The following RNF123 variants were observed in gnomAD, a reference collection of about 807,000 sequenced individuals.
The protein encoded by RNF123 is ring finger protein 123, also known as E3 ubiquitin-protein ligase RNF123.
RNF123 carries 86 observed loss-of-function variants against 168.5 expected under a neutral mutation model. That is an observed-to-expected ratio of 0.51 (90% CI 0.43 to 0.61). The LOEUF (loss-of-function observed/expected upper bound fraction) is 0.61, where lower values mean the gene tolerates loss of function less well. Ranked by LOEUF, RNF123 falls within the 20% of genes least tolerant of loss-of-function variation. The pLI is 0.00. For missense variants in RNF123, 1,419 were observed against 1,729.7 expected (o/e 0.82, Z 3.19); for synonymous variants, 666 against 689.1 (o/e 0.97, Z 0.52).
chr3:49,698,864 C>G, intron 9 of RNF123, 42 bp downstream of exon 9: 1 of 1,606,588 alleles, frequency 6.2e-7, no homozygotes, highest in Non-Finnish European at 8.5e-7. Context: ...CCCCTGGGGC[C>G]TCCCCAGACT....
At chr3:49,707,885 T>C (rs1470954567) in intron 26 of RNF123, among the ~76,000 whole-genome samples, 1 of 152,184 alleles carries the variant, frequency 6.6e-6, no homozygotes, top group Non-Finnish European at 1.5e-5. Context: ...CACACTGTCT[T>C]CTCAAGACCC....
rs1205623979 is a variant in RNF123, at chr3:49,715,853, A to C, written c.3182A>C (p.Asn1061Thr). Residue 1061 changes from asparagine to threonine, a missense_variant, in exon 33 of 39, where the codon AAC becomes ACC. Coordinates refer to ENST00000327697, the MANE Select transcript of RNF123 (RefSeq NM_022064.5). ...CAGGCTGCTGAGCGCCTGGAGCGGAACTTTGTGGACAGCCGGCAGCTCAAG... is the reference window on the plus strand; with the variant it reads ...CAGGCTGCTGAGCGCCTGGAGCGGACCTTTGTGGACAGCCGGCAGCTCAAG... ...IQQAAERLER[N>T]FVDSRQLKVC... The C allele has an allele frequency of 2.5e-6, 4 of 1,613,986 alleles. No individual in the cohort carries two copies. The highest frequency in any genetic ancestry group is 3.4e-6 in the Non-Finnish European group (4 of 1,180,020).
intron 6 of RNF123, 25 bp from the exon 7 acceptor site, chr3:49,698,027 G>A (rs746598622): frequency 8.0e-5 from 129 of 1,613,194 alleles, no homozygotes; most frequent in East Asian, 4.5e-4. Flanking sequence ...TGTCCACCTC[G>A]TGGCCCTAAC....
At position 49,715,953 on chromosome 3, in the gene RNF123, G is replaced by A. The variant is rs184946730; in HGVS notation, c.3282G>A (p.Glu1094=). 4.5e-5 allele frequency: 73 copies of A among 1,614,062 alleles called. No homozygotes were observed. Among genetic ancestry groups the A allele is most frequent in the Admixed American group, 1.0e-4 (6 of 60,034 alleles). The change falls in exon 33 of 39, where the codon GAG becomes GAA. Residue 1094 remains glutamate (E), a synonymous_variant. Coordinates refer to ENST00000327697, the MANE Select transcript of RNF123 (RefSeq NM_022064.5). ...VLEMTITLVP[E]IFLDWTRPTS... is the part of the protein sequence containing the mutation. The stretch of plus-strand genomic sequence containing the variant: ...AGATGACTATCACACTGGTGCCTGA[G>A]ATATTCCTTGACTGGACCCGGCCTA...
chr3:49,719,143 G>A, intron 35 of RNF123: 2 of 1,613,632 alleles, frequency 1.2e-6, no homozygotes, highest in Non-Finnish European at 1.7e-6. Flanking sequence ...CAGGCCGCTG[G>A]CGTTGACGAA....
chr3:49,715,471 C>A, intron 31 of RNF123, 104 bp from the exon 32 acceptor site: 1 of 1,408,228 alleles, frequency 7.1e-7, no homozygotes, highest in Non-Finnish European at 9.8e-7. Context: ...AGGGAGCCAT[C>A]TTTCTGTCCT....
At position 49,699,271 on chromosome 3, in the gene RNF123, C is replaced by T. The variant is rs571375310; in HGVS notation, c.764+166C>T. The stretch of plus-strand genomic sequence containing the variant: ...CGAAGAAAACTTTCCTCGCAGCAGC[C>T]TGGTTGGTTGGGTGCCCTTGTCTCC... On this transcript the variant is annotated intron_variant, in intron 10 of 38. Transcript: ENST00000327697. This position sits in a 1 kb window ranked among gnomAD's most constrained non-coding sequence, Gnocchi z 4.8. Among the ~76,000 whole-genome samples the T allele has an allele frequency of 2.0e-5, 3 of 152,194 alleles. No individual in the cohort carries two copies. In the East Asian group the frequency reaches 5.8e-4, roughly 29 times the overall value.
chr3:49,716,162 AC>A lies in RNF123; in HGVS notation c.3403del (p.Leu1135TyrfsTer6). 6.2e-7 allele frequency: 1 copy of A among 1,613,512 alleles called. No individual in the cohort carries two copies. Among genetic ancestry groups the A allele is most frequent in the Non-Finnish European group, 8.5e-7 (1 of 1,179,844 alleles). On this transcript the variant is annotated frameshift_variant, in exon 34 of 39. Coordinates refer to ENST00000327697, the MANE Select transcript of RNF123 (RefSeq NM_022064.5). LOFTEE classifies it high-confidence loss of function. ...GAGGAACCTGTTTGATCGTGTGGTCACCCTACGGCTGCCTGGTGAGGACCTA... is the reference window on the plus strand; with the variant it reads ...GAGGAACCTGTTTGATCGTGTGGTCACCTACGGCTGCCTGGTGAGGACCTA... ...AERNLFDRVVTLRLPGLESVD... is the reference protein window; with the variant it reads ...AERNLFDRVVXLRLPGLESVD...
rs954451574 is a variant in RNF123 at position 49,705,113 on chromosome 3, CG to C, written c.2091del (p.Pro698LeufsTer2). On this transcript the variant is annotated frameshift_variant, in exon 23 of 39. Transcript: ENST00000327697. LOFTEE classifies it high-confidence loss of function. ...TAAVSLMTPR[R>X]PLSTSEKVKV... is the part of the protein sequence containing the mutation. ...GGCTGTGAGCCTCATGACCCCACGGCGGCCTCTGAGCACCTCGGAGAAAGTG... is the reference window on the plus strand; with the variant it reads ...GGCTGTGAGCCTCATGACCCCACGGCGCCTCTGAGCACCTCGGAGAAAGTG... The C allele has an allele frequency of 1.9e-6, 3 of 1,610,164 alleles. No individual in the cohort carries two copies. In the African/African-American group the frequency reaches 4.0e-5, roughly 22 times the overall value.
chr3:49,704,917 T>C, intron 22 of RNF123, 67 bp from the exon 23 acceptor site: 2 of 1,486,016 alleles, frequency 1.3e-6, no homozygotes, highest in South Asian at 2.5e-5. Flanking sequence ...CCCTCACAAT[T>C]CTGCAGCCCC....
intron 35 of RNF123, chr3:49,717,593 TAGA>T: frequency 3.0e-6 from 1 of 333,096 alleles, no homozygotes; most frequent in South Asian, 3.2e-5. Flanking sequence ...CCACAGGCTG[TAGA>T]AGAACACAGC....
rs909373909 is a variant in RNF123, at chr3:49,699,932, C to G, written c.984+160C>G. 1.3e-6 allele frequency: 1 copy of G among 746,046 alleles called. No individual in the cohort carries two copies. The highest frequency in any genetic ancestry group is 1.7e-5 in the African/African-American group (1 of 57,218). The allele number at this position is 746,046 out of a possible 1,614,324, so 46.2% of individuals were successfully genotyped here. On this transcript the variant is annotated intron_variant, in intron 12 of 38. Transcript: ENST00000327697. This position sits in a 1 kb window ranked among gnomAD's most constrained non-coding sequence, Gnocchi z 4.8. Reference sequence around the variant, plus strand: ...GGGCCCTCAGACCTCAGTCAGTCCCCTAGGGAAACAGGGACATTGCCAACC... The same window carrying G: ...GGGCCCTCAGACCTCAGTCAGTCCCGTAGGGAAACAGGGACATTGCCAACC...
chr3:49,718,987 C>G (rs200902567), intron 35 of RNF123: 1 of 1,613,822 alleles, frequency 6.2e-7, no homozygotes, highest in East Asian at 2.2e-5. Context: ...GTAGAGATGG[C>G]TGAGCGCGCG....
chr3:49,721,492 T>C lies in RNF123; in HGVS notation c.*187T>C, dbSNP rs2080406871. On this transcript the variant is annotated 3_prime_UTR_variant, in exon 39 of 39. Transcript: ENST00000327697. ...AATTGTGCCTGAGCTTGACTTTCAGTCAGGGCCACAGTGAGCATTAAATTA... is the reference window on the plus strand; with the variant it reads ...AATTGTGCCTGAGCTTGACTTTCAGCCAGGGCCACAGTGAGCATTAAATTA... The C allele has an allele frequency of 3.4e-6, 3 of 889,752 alleles. No homozygotes were observed. In the East Asian group the frequency reaches 7.3e-5, roughly 22 times the overall value. 55.1% of individuals were successfully genotyped at this position (889,752 alleles called of 1,614,324 possible).
At chr3:49,704,524 C>G in intron 21 of RNF123, 126 bp from the exon 22 acceptor site, 1 of 716,142 alleles carries the variant, frequency 1.4e-6, no homozygotes, top group Non-Finnish European at 2.3e-6. Flanking sequence ...GGGGCAGATA[C>G]GGTGCTAAAC....
intron 31 of RNF123, among the ~76,000 whole-genome samples, chr3:49,714,825 T>C (rs762742316): frequency 6.6e-6 from 1 of 152,182 alleles, no homozygotes; most frequent in Non-Finnish European, 1.5e-5. Flanking sequence ...TCTTGGCTCA[T>C]GTAGTCTGTT....
intron 21 of RNF123, 30 bp from the exon 22 acceptor site, chr3:49,704,620 G>T: frequency 6.3e-7 from 1 of 1,582,020 alleles, no homozygotes; most frequent in Non-Finnish European, 8.6e-7. Flanking sequence ...GCCACCACTG[G>T]CCTGAGAACC....
rs2329014 is a variant in RNF123, at chr3:49,689,580, G to A, written c.-63G>A. ...CCAAGAGGTTGGGCGGATGTTGTGA[G>A]CCGGGTCGCTGCGGCCGAGGCTCCG... On this transcript the variant is annotated 5_prime_UTR_variant, in exon 1 of 39. Coordinates refer to ENST00000327697, the MANE Select transcript of RNF123 (RefSeq NM_022064.5). 1 of 152,506 alleles carries A rather than the reference G, an allele frequency of 6.6e-6. No homozygotes were observed. The highest frequency in any genetic ancestry group is 2.4e-5 in the African/African-American group (1 of 41,478). The allele number at this position is 152,506 out of a possible 1,614,324, so 9.4% of individuals were successfully genotyped here.
chr3:49,704,544 C>T lies in RNF123; in HGVS notation c.1853-106C>T, dbSNP rs1055156884. On this transcript the variant is annotated intron_variant, in intron 21 of 38. Transcript: ENST00000327697. ...AGATACGGTGCTAAACCGGGCTCTG[C>T]AAGGCCTCCTGCCCAGTGTGCTGGG... is the stretch of plus-strand genomic sequence containing the variant. 12 of 933,790 alleles carry T rather than the reference C, an allele frequency of 1.3e-5. No individual in the cohort carries two copies. The Admixed American group carries it at 1.6e-4, about 13-fold the overall frequency. The allele number at this position is 933,790 out of a possible 1,614,324, so 57.8% of individuals were successfully genotyped here. A position where few individuals can be genotyped will look rare whatever the true frequency, so the allele number is the denominator to read the frequency against.
Sources: allele counts gnomAD v4.1 joint callset (sites outside exome capture counted in the v4.1 genomes callset), GRCh38; gene constraint gnomAD v4.1.1; non-coding constraint Gnocchi (gnomAD v3.1); transcripts MANE v1.5; gene names NCBI Gene and HGNC (gene_info 2026-07-23, HGNC 2026-07-21).